Variants in LRP1 observed in about 807,000 individuals in gnomAD.
LRP1 encodes prolow-density lipoprotein receptor-related protein 1.
A neutral mutation model predicts 541.5 loss-of-function variants in LRP1; 51 were observed. The ratio of observed to expected loss-of-function variants is 0.09; its 90% confidence interval spans 0.08 to 0.12. The LOEUF is 0.12. LRP1 is among the 10% of genes least tolerant of loss of function. The pLI is 1.00. For missense variants in LRP1, 3,878 were observed against 6,376.2 expected (o/e 0.61, Z 13.34); for synonymous variants, 2,219 against 2,470.8 (o/e 0.90, Z 3.02).
rs1266176249 is a variant in LRP1, at chr12:57,156,169, C to A, written c.1303C>A (p.Gln435Lys). 2.5e-6 allele frequency: 4 copies of A among 1,614,058 alleles called. No homozygotes were observed. The South Asian group carries it at 4.4e-5, about 18-fold the overall frequency. ...CAACTCGGACAATGCCAATGCCCAG[C>A]AGAAGACGAGTGTGATCCGTGTGAA... ...ATNSDNANAQ[Q>K]KTSVIRVNRF... The change falls in exon 9 of 89, where the codon CAG becomes AAG. Residue 435 changes from glutamine (Q) to lysine (K), a missense_variant. Gln to Lys is a moderately conservative substitution (Grantham distance 53, BLOSUM62 1). Coordinates refer to ENST00000243077, the MANE Select transcript of LRP1 (RefSeq NM_002332.3). The surrounding 1 kb of genome is among the most constrained non-coding windows in gnomAD (Gnocchi z 5.2).
intron 2 of LRP1, among the ~76,000 whole-genome samples, chr12:57,139,809 A>C (rs993924272): frequency 6.6e-6 from 1 of 152,200 alleles, no homozygotes; most frequent in Non-Finnish European, 1.5e-5. Context: ...ATACCAACAT[A>C]GAGACACACA....
In LRP1 at chr12:57,211,854, C is replaced by A. The variant is rs764025887; in HGVS notation, c.13258+40C>A. On this transcript the variant is annotated intron_variant, in intron 86 of 88. Transcript: ENST00000243077. The surrounding 1 kb of genome is among the most constrained non-coding windows in gnomAD (Gnocchi z 4.3). The stretch of plus-strand genomic sequence containing the variant: ...TTGGGGCAGGCAGGGCCACCGGGAC[C>A]TAGAGCAGGGGGACCGTGTGCCTCC... 2 of 1,613,396 alleles carry A rather than the reference C, an allele frequency of 1.2e-6. No individual in the cohort carries two copies. Among genetic ancestry groups the A allele is most frequent in the South Asian group, 2.2e-5 (2 of 91,076 alleles).
At chr12:57,134,108 G>A (rs779458435) in intron 1 of LRP1, among the ~76,000 whole-genome samples, 13 of 152,274 alleles carry the variant, frequency 8.5e-5, no homozygotes, top group East Asian at 7.7e-4. Flanking sequence ...CCTGGGGACC[G>A]TGGCTGGGCT....
At chr12:57,203,142 G>A in intron 68 of LRP1, 39 bp from the exon 69 acceptor site, 7 of 1,439,344 alleles carry the variant, frequency 4.9e-6, no homozygotes, top group African/African-American at 1.4e-5. Context: ...GAGTCCTTGT[G>A]CCCACCCTCC....
At chr12:57,131,582 A>G (rs2035040627) in intron 1 of LRP1, among the ~76,000 whole-genome samples, 1 of 152,166 alleles carries the variant, frequency 6.6e-6, no homozygotes, top group African/African-American at 2.4e-5. Flanking sequence ...GATCCCTGAG[A>G]GAAAGTTCTA....
Position 57,179,737 on chromosome 12 carries a change from T to C in LRP1, c.4967-45T>C. 1.3e-6 allele frequency: 2 copies of C among 1,584,618 alleles called. No individual in the cohort carries two copies. Among genetic ancestry groups the C allele is most frequent in the Non-Finnish European group, 1.7e-6 (2 of 1,158,396 alleles). ...CACACTGGCTCCCCTCCTGACCCAC[T>C]GCCCTGCAGACACCCAACAACTGAC... On this transcript the variant is annotated intron_variant, in intron 29 of 88. Transcript: ENST00000243077. This position sits in a 1 kb window ranked among gnomAD's most constrained non-coding sequence, Gnocchi z 6.8.
chr12:57,183,978 G>A lies in LRP1; in HGVS notation c.5929+69G>A. 2 of 1,608,058 alleles carry A rather than the reference G, an allele frequency of 1.2e-6. No individual in the cohort carries two copies. The highest frequency in any genetic ancestry group is 1.7e-6 in the Non-Finnish European group (2 of 1,176,124). Reference sequence around the variant, plus strand: ...ACTGGGGGACGAAGTGAGAGGAGGAGTTGGCGGGAGCAGGAAGAGGAGCTG... The same window carrying A: ...ACTGGGGGACGAAGTGAGAGGAGGAATTGGCGGGAGCAGGAAGAGGAGCTG... On this transcript the variant is annotated intron_variant, in intron 36 of 88. Transcript: ENST00000243077. The surrounding 1 kb of genome is among the most constrained non-coding windows in gnomAD (Gnocchi z 6.1).
rs1184179621 is a variant in LRP1 at position 57,162,658 on chromosome 12, C to CCCCCAACACAATCTGAT, written c.2404+141_2404+157dup. 2.9e-5 allele frequency: 32 copies of CCCCCAACACAATCTGAT among 1,106,224 alleles called. No homozygotes were observed. The Admixed American group carries it at 6.7e-4, about 23-fold the overall frequency. The allele number at this position is 1,106,224 out of a possible 1,614,324, so 68.5% of individuals were successfully genotyped here. A position where few individuals can be genotyped will look rare whatever the true frequency, so the allele number is the denominator to read the frequency against. ...TTTTGAGGATCCTGAGAAGAGAACTCCCCCAACACAATCTGATTCTCTGTT... is the reference window on the plus strand; with the variant it reads ...TTTTGAGGATCCTGAGAAGAGAACTCCCCCAACACAATCTGATCCCCAACACAATCTGATTCTCTGTT... On this transcript the variant is annotated intron_variant, in intron 14 of 88. Coordinates refer to ENST00000243077, the MANE Select transcript of LRP1 (RefSeq NM_002332.3). The surrounding 1 kb of genome is among the most constrained non-coding windows in gnomAD (Gnocchi z 5.2).
intron 15 of LRP1, 118 bp downstream of exon 15, chr12:57,163,101 T>C: frequency 7.2e-7 from 1 of 1,381,666 alleles, no homozygotes; most frequent in Non-Finnish European, 9.6e-7. Context: ...TGAGGGGCCC[T>C]TAGGGGGCCA....
At chr12:57,130,987 A>G (rs2035026841) in intron 1 of LRP1, among the ~76,000 whole-genome samples, 1 of 152,220 alleles carries the variant, frequency 6.6e-6, no homozygotes, top group African/African-American at 2.4e-5. Flanking sequence ...TCTTGGGTAC[A>G]GGGTGGTGAG....
In LRP1 at chr12:57,199,235, A is replaced by G; in HGVS notation, c.9700A>G (p.Ile3234Val). ...AGTGCTGAGCCAGGACATCCCGCAC[A>G]TCTTTGCACTGACCCTGTTTGAGGA... ...HVVLSQDIPHIFALTLFEDYV... is the reference protein window; with the variant it reads ...HVVLSQDIPHVFALTLFEDYV... The change falls in exon 61 of 89, where the codon ATC (isoleucine) becomes GTC (valine). Residue 3234 changes from isoleucine (I) to valine (V), a missense_variant. Physicochemically the swap from Ile to Val is conservative, Grantham distance 29. This residue lies in a region of LRP1 where 1,100 missense variants were observed against 1,827.4 expected (regional missense o/e 0.60). Coordinates refer to ENST00000243077, the MANE Select transcript of LRP1 (RefSeq NM_002332.3). 2 of 1,613,760 alleles carry G rather than the reference A, an allele frequency of 1.2e-6. No individual in the cohort carries two copies. Among genetic ancestry groups the G allele is most frequent in the Non-Finnish European group, 8.5e-7 (1 of 1,179,924 alleles).
At chr12:57,141,618 G>A in intron 3 of LRP1, 107 bp downstream of exon 3, 5 of 1,377,076 alleles carry the variant, frequency 3.6e-6, no homozygotes, top group Non-Finnish European at 5.0e-6. Flanking sequence ...CCTTGTCCTG[G>A]TCCCCTGCCT....
rs774019126 is a variant in LRP1, at chr12:57,176,115, C to T, written c.3991+9C>T. 1.3e-5 allele frequency: 21 copies of T among 1,613,374 alleles called. No individual in the cohort carries two copies. Among genetic ancestry groups the T allele is most frequent in the Admixed American group, 1.7e-5 (1 of 60,010 alleles). On this transcript the variant is annotated intron_variant, in intron 24 of 88. Transcript: ENST00000243077. The stretch of plus-strand genomic sequence containing the variant: ...GCTGCTGGACAACGGAGGTGACCAC[C>T]GATTGCTGCCAGGCAGGATGCACAC...
In LRP1 at chr12:57,183,676, C is replaced by T. The variant is rs985558007; in HGVS notation, c.5795-99C>T. On this transcript the variant is annotated intron_variant, in intron 35 of 88. Coordinates refer to ENST00000243077, the MANE Select transcript of LRP1 (RefSeq NM_002332.3). The surrounding 1 kb of genome is among the most constrained non-coding windows in gnomAD (Gnocchi z 6.1). ...CTCCCCTTCAAGCACCTGGCCCCTCCGGCACTCTCTCACCTCTGTCTTGAG... is the reference window on the plus strand; with the variant it reads ...CTCCCCTTCAAGCACCTGGCCCCTCTGGCACTCTCTCACCTCTGTCTTGAG... 66 of 1,536,968 alleles carry T rather than the reference C, an allele frequency of 4.3e-5. No homozygotes were observed. Among genetic ancestry groups the T allele is most frequent in the African/African-American group, 5.4e-5 (4 of 73,738 alleles).
intron 2 of LRP1, among the ~76,000 whole-genome samples, chr12:57,138,938 G>A (rs377834): frequency 6.6e-6 from 1 of 152,126 alleles, no homozygotes; most frequent in South Asian, 2.1e-4. Context: ...AGGTCTTGTC[G>A]GATCCTCAGA....
chr12:57,209,153 C>A lies in LRP1; in HGVS notation c.12216C>A (p.Ile4072=), dbSNP rs1226957521. 1.2e-6 allele frequency: 2 copies of A among 1,614,020 alleles called. No homozygotes were observed. Among genetic ancestry groups the A allele is most frequent in the Non-Finnish European group, 1.7e-6 (2 of 1,180,030 alleles). ...CCAAGCTTTCAGTCATCGGCAGCATCCGGCTCAATGGCACGGACCCCATTG... is the reference window on the plus strand; with the variant it reads ...CCAAGCTTTCAGTCATCGGCAGCATACGGCTCAATGGCACGGACCCCATTG... ...ADAKLSVIGS[I]RLNGTDPIVA... The change falls in exon 79 of 89, where the codon ATC becomes ATA. Residue 4072 remains isoleucine, a synonymous_variant. Coordinates refer to ENST00000243077, the MANE Select transcript of LRP1 (RefSeq NM_002332.3).
chr12:57,200,300 T>G (rs1192963447), intron 62 of LRP1, 142 bp from the exon 63 acceptor site: 2 of 679,920 alleles, frequency 2.9e-6, no homozygotes, highest in Non-Finnish European at 5.3e-6. Context: ...ACCTGGCCTT[T>G]CCGAACTCAC....
At chr12:57,136,053 C>A (rs570792636) in intron 1 of LRP1, among the ~76,000 whole-genome samples, 2 of 152,230 alleles carry the variant, frequency 1.3e-5, no homozygotes, top group African/African-American at 4.8e-5. Context: ...TTCCAGCCCC[C>A]CTCTTCCCCC....
rs888772096 is a variant in LRP1 at position 57,193,187 on chromosome 12, T to C, written c.7567T>C (p.Ser2523Pro). The change falls in exon 46 of 89, where the codon TCT becomes CCT. Residue 2523 changes from serine to proline, a missense_variant. Physicochemically the swap from Ser to Pro is moderately conservative, Grantham distance 74. Coordinates refer to ENST00000243077, the MANE Select transcript of LRP1 (RefSeq NM_002332.3). ...DDLTCRAVNS[S>P]CRAQDEFECA... The stretch of plus-strand genomic sequence containing the variant: ...ACCTCCCTCCCCAGCGGTGAATTCC[T>C]CTTGCCGAGCACAAGATGAGTTTGA... 3 of 1,613,928 alleles carry C rather than the reference T, an allele frequency of 1.9e-6. No individual in the cohort carries two copies. Among genetic ancestry groups the C allele is most frequent in the African/African-American group, 2.7e-5 (2 of 74,936 alleles).
Sources: allele counts gnomAD v4.1 joint callset (sites outside exome capture counted in the v4.1 genomes callset), GRCh38; gene constraint gnomAD v4.1.1; regional missense constraint gnomAD v4.1.1; non-coding constraint Gnocchi (gnomAD v3.1); transcripts MANE v1.5; gene names NCBI Gene and HGNC (gene_info 2026-07-23, HGNC 2026-07-21).